SLC5A4: variants seen among roughly 807,000 people sequenced by gnomAD.
SLC5A4 encodes solute carrier family 5 member 4.
SLC5A4 carries 55 observed loss-of-function variants against 70.3 expected under a neutral mutation model. The ratio of observed to expected loss-of-function variants is 0.78; its 90% CI spans 0.63 to 0.98. The LOEUF (loss-of-function observed/expected upper bound fraction) is 0.98. SLC5A4 is among the 50% of genes least tolerant of loss of function. The pLI, the probability that SLC5A4 is intolerant of heterozygous loss-of-function variation, is 0.00. For missense variants in SLC5A4, 735 were observed against 839.2 expected (o/e 0.88, Z 1.53); for synonymous variants, 268 against 305.7 (o/e 0.88, Z 1.29).
intron 11 of SLC5A4, among the ~76,000 whole-genome samples, chr22:32,227,570 C>G (rs1925476564): frequency 6.6e-6 from 1 of 152,184 alleles, no homozygotes; most frequent in Non-Finnish European, 1.5e-5. Flanking sequence ...AGTGGAACAT[C>G]ACAGAGAAAG....
At chr22:32,338,609 T>C in the SLC5A4 span, among the ~76,000 whole-genome samples, 1 of 152,236 alleles carries the variant, frequency 6.6e-6, no homozygotes, top group East Asian at 1.9e-4. Context: ...AGAGAGGCTG[T>C]AGTGAGCCAA....
At chr22:32,269,331 T>C in the SLC5A4 span, 1 of 317,874 alleles carries the variant, frequency 3.1e-6, no homozygotes, top group Non-Finnish European at 6.1e-6. The surrounding 1 kb of genome is among the most constrained non-coding windows in gnomAD (Gnocchi z 4.1). Flanking sequence ...GGAGATCTTT[T>C]AAAAATCCGT....
rs1374053067 is a variant in SLC5A4, at chr22:32,239,563, T to A, written c.478-473A>T. On this transcript the variant is annotated intron_variant, in intron 5 of 14. Coordinates refer to ENST00000266086, the MANE Select transcript of SLC5A4 (RefSeq NM_014227.3). ...ATATATATATATATATATATATATA[T>A]ATATATTTATATATATATTTATATA... 4.2e-4 allele frequency among the ~76,000 whole-genome samples: 9 copies of A among 21,430 alleles called. 1 individual carries two copies. The highest frequency in any genetic ancestry group is 2.2e-3 in the African/African-American group (9 of 4,004). The allele number at this position is 21,430 out of a possible 152,430, so 14.1% of individuals were successfully genotyped here. A position where few individuals can be genotyped will look rare whatever the true frequency, so the allele number is the denominator to read the frequency against.
the SLC5A4 span, among the ~76,000 whole-genome samples, chr22:32,315,029 A>T: frequency 2.0e-5 from 3 of 152,222 alleles, no homozygotes; most frequent in Non-Finnish European, 2.9e-5. Flanking sequence ...GTTGCCCTAC[A>T]GTGAGAAGGT....
chr22:32,325,924 C>T, the SLC5A4 span, among the ~76,000 whole-genome samples: 3 of 152,090 alleles, frequency 2.0e-5, no homozygotes, highest in Admixed American at 6.5e-5. Flanking sequence ...TGGGGAGCAG[C>T]AGGCTGCCCT....
chr22:32,233,948 G>A (rs1925912984), intron 8 of SLC5A4, among the ~76,000 whole-genome samples: 1 of 152,026 alleles, frequency 6.6e-6, no homozygotes. Context: ...CAAAAATGGT[G>A]GCACTGAATG....
the SLC5A4 span, among the ~76,000 whole-genome samples, chr22:32,262,789 A>G: frequency 2.0e-5 from 3 of 151,586 alleles, no homozygotes; most frequent in Non-Finnish European, 4.4e-5. Context: ...TTTTTTTTTG[A>G]GACAGAGTCT....
At chr22:32,351,904 A>G in the SLC5A4 span, among the ~76,000 whole-genome samples, 1 of 152,102 alleles carries the variant, frequency 6.6e-6, no homozygotes, top group Non-Finnish European at 1.5e-5. Context: ...CAGCAGCATA[A>G]GAAAATGAAC....
At chr22:32,306,948 C>T in the SLC5A4 span, among the ~76,000 whole-genome samples, 1 of 152,116 alleles carries the variant, frequency 6.6e-6, no homozygotes, top group South Asian at 2.1e-4. Flanking sequence ...CCAGTTGTGG[C>T]CAGGGTGGCC....
At chr22:32,310,154 C>T in the SLC5A4 span, among the ~76,000 whole-genome samples, 1 of 152,064 alleles carries the variant, frequency 6.6e-6, no homozygotes, top group Non-Finnish European at 1.5e-5. Flanking sequence ...AACTCCAGCT[C>T]TGTCTGTTTG....
At chr22:32,327,844 GCA>G in the SLC5A4 span, among the ~76,000 whole-genome samples, 1 of 152,170 alleles carries the variant, frequency 6.6e-6, no homozygotes. Flanking sequence ...CGGCCTCCCT[GCA>G]CACCCTCTGC....
the SLC5A4 span, among the ~76,000 whole-genome samples, chr22:32,311,764 G>C: frequency 6.6e-6 from 1 of 152,186 alleles, no homozygotes; most frequent in South Asian, 2.1e-4. Context: ...TAGCCAGAAT[G>C]TGCTGAGTGG....
At chr22:32,329,700 G>A in the SLC5A4 span, among the ~76,000 whole-genome samples, 1 of 25,472 alleles carries the variant, frequency 3.9e-5, no homozygotes, top group Non-Finnish European at 6.8e-5. Context: ...TGTGTGTTGG[G>A]GGCTCTGGTG....
the SLC5A4 span, among the ~76,000 whole-genome samples, chr22:32,312,815 G>C: frequency 2.6e-5 from 4 of 152,052 alleles, no homozygotes; most frequent in Non-Finnish European, 5.9e-5. Context: ...ACAGCAAAAG[G>C]GTTTTCTGGA....
At chr22:32,324,822 T>C in the SLC5A4 span, among the ~76,000 whole-genome samples, 1 of 152,222 alleles carries the variant, frequency 6.6e-6, no homozygotes, top group African/African-American at 2.4e-5. Flanking sequence ...CTATCACTCC[T>C]GTGGACACAG....
At chr22:32,324,652 T>A in the SLC5A4 span, among the ~76,000 whole-genome samples, 38 of 152,350 alleles carry the variant, frequency 2.5e-4, no homozygotes, top group African/African-American at 8.9e-4. Context: ...TAGAGTCCCA[T>A]GGCAGAGATG....
Position 32,238,530 on chromosome 22 carries a change from C to T in SLC5A4, c.583+455G>A, listed in dbSNP as rs181474164. 9.0e-3 allele frequency among the ~76,000 whole-genome samples: 1,367 copies of T among 152,268 alleles called. 26 individuals carry two copies. The highest frequency in any genetic ancestry group is 0.031 in the African/African-American group (1,271 of 41,536). On this transcript the variant is annotated intron_variant, in intron 6 of 14. Coordinates refer to ENST00000266086, the MANE Select transcript of SLC5A4 (RefSeq NM_014227.3). The stretch of plus-strand genomic sequence containing the variant: ...GCCTGCTTGGACTATTGTCACAGAT[C>T]GTCTCCCGCCAGCAACCCACTGCTC...
At chr22:32,226,810 C>T (rs1025723371) in intron 11 of SLC5A4, among the ~76,000 whole-genome samples, 1 of 152,156 alleles carries the variant, frequency 6.6e-6, no homozygotes, top group African/African-American at 2.4e-5. Context: ...CGCCTCCAGG[C>T]ACCTTTCTGA....
the SLC5A4 span, among the ~76,000 whole-genome samples, chr22:32,353,037 G>C: frequency 1.9e-4 from 29 of 152,340 alleles, no homozygotes; most frequent in African/African-American, 6.7e-4. Context: ...GCAGAGAGTG[G>C]TAGCGTTAGA....
Sources: gnomAD v4.1 joint callset for allele counts (sites outside exome capture counted in the v4.1 genomes callset) on GRCh38, gnomAD v4.1.1 for gene constraint, Gnocchi (gnomAD v3.1) non-coding constraint, MANE v1.5 for transcripts, NCBI Gene and HGNC (gene_info 2026-07-23, HGNC 2026-07-21) for gene names.